The following ANKRD6 variants were observed in gnomAD, a reference collection of about 807,000 sequenced individuals.
The protein encoded by ANKRD6 is ankyrin repeat domain 6.
In ANKRD6, 56 loss-of-function variants were observed where a neutral mutation model predicts 82.3. That is an observed-to-expected ratio of 0.68 (90% CI 0.55 to 0.85). The LOEUF (loss-of-function observed/expected upper bound fraction) is 0.85, where lower values mean the gene tolerates loss of function less well. ANKRD6 is among the 40% of genes least tolerant of loss of function. The pLI, the probability that ANKRD6 is intolerant of heterozygous loss-of-function variation, is 0.00. For synonymous variants in ANKRD6, 347 were observed against 352.1 expected, an observed-to-expected ratio of 0.99 and a Z score of 0.16; for missense variants, 852 against 907.6, an observed-to-expected ratio of 0.94 and a Z score of 0.79.
At chr6:89,448,301 G>T (rs1772352901) in intron 1 of ANKRD6, among the ~76,000 whole-genome samples, 1 of 152,014 alleles carries the variant, frequency 6.6e-6, no homozygotes, top group Non-Finnish European at 1.5e-5. Flanking sequence ...AGGTGTTGTG[G>T]CATGTGCCTG....
chr6:89,545,179 T>C lies in ANKRD6; in HGVS notation c.-143-21655T>C, dbSNP rs149326220. Among the ~76,000 whole-genome samples the C allele has an allele frequency of 3.2e-3, 470 of 146,724 alleles. 18 individuals carry two copies. In the East Asian group the frequency reaches 0.078, roughly 24 times the overall value. On this transcript the variant is annotated intron_variant, in intron 1 of 15. Transcript: ENST00000339746. ...AGTGAGCCGAGATCACGCCACTGCA[T>C]TCCAGCCTGGGCGACAGAGCCAGAC...
chr6:89,557,776 C>G (rs571250288), intron 1 of ANKRD6, among the ~76,000 whole-genome samples: 1 of 152,230 alleles, frequency 6.6e-6, no homozygotes, highest in East Asian at 1.9e-4. Context: ...CCCCTCCTGT[C>G]AGATCAGCGG....
chr6:89,526,138 A>G lies in ANKRD6; in HGVS notation c.-143-40696A>G, dbSNP rs1458177679. Among the ~76,000 whole-genome samples the G allele has an allele frequency of 4.6e-5, 7 of 152,328 alleles. No individual in the cohort carries two copies. The East Asian group carries it at 1.4e-3, about 29-fold the overall frequency. On this transcript the variant is annotated intron_variant, in intron 1 of 15. Coordinates refer to ENST00000339746, the MANE Select transcript of ANKRD6 (RefSeq NM_001242809.2). ...TGTTCGTCTTAGTCGATAAAGGGACATCTATTTTAGTCTCTCAGATCACAC... is the reference window on the plus strand; with the variant it reads ...TGTTCGTCTTAGTCGATAAAGGGACGTCTATTTTAGTCTCTCAGATCACAC...
intron 1 of ANKRD6, among the ~76,000 whole-genome samples, chr6:89,504,140 G>T (rs974761821): frequency 9.0e-6 from 1 of 110,770 alleles, no homozygotes; most frequent in Non-Finnish European, 1.8e-5. Context: ...GGGGCGGGGG[G>T]TGGGGGGGAA....
chr6:89,469,865 C>T (rs114880282), intron 1 of ANKRD6, among the ~76,000 whole-genome samples: 2,026 of 152,274 alleles, frequency 0.013, 51 homozygotes, highest in African/African-American at 0.044. Flanking sequence ...TTCTTTTCCT[C>T]GTCAATATTC....
Position 89,618,119 on chromosome 6 carries a change from C to G in ANKRD6, c.792+88C>G, listed in dbSNP as rs1418090884. On this transcript the variant is annotated intron_variant, in intron 9 of 15. Transcript: ENST00000339746. Reference sequence around the variant, plus strand: ...TGGTTGCAATCTACTGAAGCCTCTTCAAACTAACTTAAATATGGAATGTAA... The same window carrying G: ...TGGTTGCAATCTACTGAAGCCTCTTGAAACTAACTTAAATATGGAATGTAA... 4.3e-6 allele frequency: 6 copies of G among 1,385,966 alleles called. No individual in the cohort carries two copies. The South Asian group carries it at 6.9e-5, about 16-fold the overall frequency. 85.9% of individuals were successfully genotyped at this position (1,385,966 alleles called of 1,614,324 possible).
chr6:89,454,175 G>A (rs912180489), intron 1 of ANKRD6, among the ~76,000 whole-genome samples: 2 of 152,038 alleles, frequency 1.3e-5, no homozygotes, highest in Admixed American at 6.6e-5. Context: ...CTTTTCTCAT[G>A]TAAGTCAGTA....
chr6:89,603,199 C>G, intron 4 of ANKRD6, 72 bp downstream of exon 4: 1 of 1,399,152 alleles, frequency 7.1e-7, no homozygotes, highest in African/African-American at 1.4e-5. Context: ...TGGAGGAGCC[C>G]GCTCTGGAAA....
In ANKRD6 at chr6:89,612,446, G is replaced by A. The variant is rs1800472921; in HGVS notation, c.516+76G>A. On this transcript the variant is annotated intron_variant, in intron 6 of 15. Coordinates refer to ENST00000339746, the MANE Select transcript of ANKRD6 (RefSeq NM_001242809.2). ...AGAAAATAACTTCATGAGCATACTT[G>A]AACCTTAACATCTAGAAATTAAAAT... 5 of 1,350,766 alleles carry A rather than the reference G, an allele frequency of 3.7e-6. No homozygotes were observed. The Admixed American group carries it at 8.8e-5, about 24-fold the overall frequency. 83.7% of individuals were successfully genotyped at this position (1,350,766 alleles called of 1,614,324 possible).
At chr6:89,621,668 A>G (rs1803359875) in intron 9 of ANKRD6, 1 of 471,896 alleles carries the variant, frequency 2.1e-6, no homozygotes, top group South Asian at 2.2e-5. Context: ...CAGTGTCTGT[A>G]GTTATTATCA....
At chr6:89,587,952 G>A (rs1475814876) in intron 2 of ANKRD6, among the ~76,000 whole-genome samples, 6 of 151,854 alleles carry the variant, frequency 4.0e-5, no homozygotes, top group Non-Finnish European at 8.8e-5. Context: ...TTTTTTTCTC[G>A]AATGTGTTCC....
chr6:89,581,309 A>C (rs75153980), intron 2 of ANKRD6, among the ~76,000 whole-genome samples: 1 of 152,114 alleles, frequency 6.6e-6, no homozygotes, highest in Non-Finnish European at 1.5e-5. Context: ...TTGTGGGATA[A>C]ATTTCTCTAA....
rs576269500 is a variant in ANKRD6 at position 89,517,162 on chromosome 6, G to C, written c.-143-49672G>C. ...TTGTGTTACAGGCGTAAGCCACCAC[G>C]CCTGGCCAGATTGCTGTTTTAAGCC... On this transcript the variant is annotated intron_variant, in intron 1 of 15. Transcript: ENST00000339746. 1.1e-4 allele frequency among the ~76,000 whole-genome samples: 17 copies of C among 152,326 alleles called. 1 individual carries two copies. The South Asian group carries it at 3.3e-3, about 30-fold the overall frequency.
Position 89,629,110 on chromosome 6 carries a change from A to C in ANKRD6, c.1486-2A>C. 1 of 1,606,602 alleles carries C rather than the reference A, an allele frequency of 6.2e-7. No homozygotes were observed. Among genetic ancestry groups the C allele is most frequent in the South Asian group, 1.1e-5 (1 of 89,350 alleles). On this transcript the variant is annotated splice_acceptor_variant, in intron 14 of 15. Transcript: ENST00000339746. LOFTEE classifies it high-confidence loss of function. ...TTTGTGGGGTTTGTTTTTTTTTTTA[A>C]GATATCCTTGGTGGATGAATTAAAA...
rs147015488 is a variant in ANKRD6, at chr6:89,462,299, A to G, written c.-144+28924A>G. Among the ~76,000 whole-genome samples the G allele has an allele frequency of 7.8e-3, 1,178 of 150,962 alleles. 18 individuals are homozygous for G. Among genetic ancestry groups the G allele is most frequent in the African/African-American group, 0.027 (1,101 of 41,290 alleles). On this transcript the variant is annotated intron_variant, in intron 1 of 15. Transcript: ENST00000339746. The stretch of plus-strand genomic sequence containing the variant: ...ACATAAATAAAAATGAAGGAAGTTT[A>G]CAGTGTTTATCTTCTTTTGGGGTTA...
At chr6:89,584,820 G>C (rs1190638592) in intron 2 of ANKRD6, among the ~76,000 whole-genome samples, 2 of 152,134 alleles carry the variant, frequency 1.3e-5, no homozygotes, top group East Asian at 3.9e-4. Context: ...TTGTAGGATG[G>C]GAAGTCTTAA....
In ANKRD6 at chr6:89,612,396, C is replaced by T. The variant is rs755003542; in HGVS notation, c.516+26C>T. On this transcript the variant is annotated intron_variant, in intron 6 of 15. Transcript: ENST00000339746. ...GTGGGTGAACAAAACCAGATTCTCACGTTCTCTCTTTCTTGTGTCACTTCA... is the reference window on the plus strand; with the variant it reads ...GTGGGTGAACAAAACCAGATTCTCATGTTCTCTCTTTCTTGTGTCACTTCA... 7.5e-5 allele frequency: 115 copies of T among 1,526,300 alleles called. 2 individuals are homozygous for T. In the South Asian group the frequency reaches 1.2e-3, roughly 16 times the overall value. 94.5% of individuals were successfully genotyped at this position (1,526,300 alleles called of 1,614,324 possible). A position where few individuals can be genotyped will look rare whatever the true frequency, so the allele number is the denominator to read the frequency against.
intron 7 of ANKRD6, among the ~76,000 whole-genome samples, chr6:89,614,277 G>A (rs1472062282): frequency 6.6e-6 from 1 of 152,148 alleles, no homozygotes; most frequent in Non-Finnish European, 1.5e-5. Context: ...AGCCAAGGCA[G>A]GAGGATCACT....
intron 1 of ANKRD6, among the ~76,000 whole-genome samples, chr6:89,469,715 C>T (rs899785095): frequency 2.6e-4 from 40 of 152,154 alleles, no homozygotes; most frequent in African/African-American, 9.4e-4. Context: ...CCGTGTCACT[C>T]GTCTGGAATT....
Sources: gnomAD v4.1 joint callset for allele counts (sites outside exome capture counted in the v4.1 genomes callset) on GRCh38, gnomAD v4.1.1 for gene constraint, MANE v1.5 for transcripts, NCBI Gene and HGNC (gene_info 2026-07-23, HGNC 2026-07-21) for gene names.